The following DNAAF9 variants were observed in gnomAD, a reference collection of about 807,000 sequenced individuals.
DNAAF9 encodes dynein axonemal assembly factor 9.
DNAAF9 carries 90 observed loss-of-function variants against 167.0 expected under a neutral mutation model. The ratio of observed to expected loss-of-function variants is 0.54; its 90% CI spans 0.45 to 0.64. The LOEUF (loss-of-function observed/expected upper bound fraction) is 0.64, where lower values mean the gene tolerates loss of function less well. Ranked by LOEUF, DNAAF9 falls within the 30% of genes least tolerant of loss-of-function variation. The probability of loss-of-function intolerance (pLI) is 0.00; values close to 1 mark genes in which losing one functional copy is unlikely to be tolerated. For missense variants in DNAAF9, 1,315 were observed against 1,442.2 expected (o/e 0.91, Z 1.43); for synonymous variants, 491 against 508.8 (o/e 0.96, Z 0.47).
chr20:3,283,512 G>C (rs2068797330), intron 27 of DNAAF9, among the ~76,000 whole-genome samples: 2 of 152,210 alleles, frequency 1.3e-5, no homozygotes, highest in Non-Finnish European at 2.9e-5. Context: ...CCCCCTGCCT[G>C]GGCATGTATG....
Position 3,330,668 on chromosome 20 carries a change from G to A in DNAAF9, c.1078C>T (p.Leu360=). The change falls in exon 12 of 37, where the codon CTG becomes TTG. Residue 360 remains leucine, a synonymous_variant. Transcript: ENST00000252032. The part of the protein sequence containing the change: ...HVPYLGGDSK[L]PKKTEQIRLL... The stretch of plus-strand genomic sequence containing the variant: ...TACATTTGTTCAGTTTTCTTGGGCA[G>A]CTTGCTGTCACCACCTGTGAAAGAG... The A allele has an allele frequency of 2.5e-6, 4 of 1,600,856 alleles. No individual in the cohort carries two copies. Among genetic ancestry groups the A allele is most frequent in the Non-Finnish European group, 3.4e-6 (4 of 1,169,830 alleles).
chr20:3,337,046 A>T (rs6051755), intron 10 of DNAAF9, among the ~76,000 whole-genome samples: 12 of 148,030 alleles, frequency 8.1e-5, no homozygotes, highest in African/African-American at 2.7e-4. Context: ...CACCCAGCTA[A>T]TTTTTTCTAT....
chr20:3,255,488 C>A (rs946930226), intron 34 of DNAAF9, among the ~76,000 whole-genome samples: 1 of 152,076 alleles, frequency 6.6e-6, no homozygotes. Context: ...CAGCAGGGAA[C>A]AAGCAGCAGA....
intron 30 of DNAAF9, 118 bp downstream of exon 30, chr20:3,270,308 CA>C: frequency 1.0e-6 from 1 of 986,334 alleles, no homozygotes; most frequent in Non-Finnish European, 1.6e-6. Flanking sequence ...GCACCTGGCT[CA>C]AAAACTGACT....
At position 3,252,530 on chromosome 20, in the gene DNAAF9, C is replaced by T; in HGVS notation, c.*42G>A. The T allele has an allele frequency of 9.1e-7, 1 of 1,092,984 alleles. No individual in the cohort carries two copies. Among genetic ancestry groups the T allele is most frequent in the South Asian group, 1.2e-5 (1 of 80,588 alleles). The allele number at this position is 1,092,984 out of a possible 1,614,324, so 67.7% of individuals were successfully genotyped here. On this transcript the variant is annotated 3_prime_UTR_variant, in exon 37 of 37. Coordinates refer to ENST00000252032, the MANE Select transcript of DNAAF9 (RefSeq NM_001009984.3). The stretch of plus-strand genomic sequence containing the variant: ...GGTTAAGACACCCGTTCGTCCATCT[C>T]CAAGGTGGACATTCTGCAGGACGTA...
At chr20:3,330,859 T>C (rs988106848) in intron 11 of DNAAF9, among the ~76,000 whole-genome samples, 177 bp from the exon 12 acceptor site, 2 of 150,772 alleles carry the variant, frequency 1.3e-5, no homozygotes, top group South Asian at 4.2e-4. Context: ...TGGCGTAATC[T>C]CGGCTCACTG....
intron 1 of DNAAF9, among the ~76,000 whole-genome samples, chr20:3,401,615 A>G (rs1296156946): frequency 1.3e-5 from 2 of 152,238 alleles, no homozygotes; most frequent in Non-Finnish European, 2.9e-5. Flanking sequence ...CATTCAATAA[A>G]TAATTACTGA....
chr20:3,388,786 T>C (rs1235798354), intron 1 of DNAAF9, among the ~76,000 whole-genome samples: 1 of 152,140 alleles, frequency 6.6e-6, no homozygotes, highest in East Asian at 1.9e-4. Context: ...TGCCAGGTGC[T>C]GGATGGGAGA....
intron 29 of DNAAF9, among the ~76,000 whole-genome samples, chr20:3,271,137 T>A (rs1195600892): frequency 1.3e-5 from 2 of 152,102 alleles, no homozygotes; most frequent in African/African-American, 4.8e-5. Flanking sequence ...AATTCTGGTA[T>A]CTAGCTGATA....
intron 34 of DNAAF9, 126 bp downstream of exon 34, chr20:3,255,879 TG>T: frequency 1.4e-6 from 1 of 691,752 alleles, no homozygotes; most frequent in Non-Finnish European, 2.5e-6. Flanking sequence ...AAGTGCTGGC[TG>T]GGCCAGGGAG....
chr20:3,403,012 C>T lies in DNAAF9; in HGVS notation c.83+4463G>A, dbSNP rs531964620. Among the ~76,000 whole-genome samples, 171 of 152,302 alleles carry T rather than the reference C, an allele frequency of 1.1e-3. 1 individual carries two copies. The highest frequency in any genetic ancestry group is 3.6e-3 in the African/African-American group (148 of 41,564). Reference sequence around the variant, plus strand: ...TTTATCATTTCTTCATGTCTTCAAACAATAACTACCTGCTATCTCTCCCTG... The same window carrying T: ...TTTATCATTTCTTCATGTCTTCAAATAATAACTACCTGCTATCTCTCCCTG... On this transcript the variant is annotated intron_variant, in intron 1 of 36. Transcript: ENST00000252032.
At chr20:3,295,176 T>A (rs1256973471) in intron 23 of DNAAF9, among the ~76,000 whole-genome samples, 2 of 150,078 alleles carry the variant, frequency 1.3e-5, no homozygotes, top group African/African-American at 4.9e-5. Flanking sequence ...GCTCCCACTT[T>A]TTTTTTCTTT....
intron 23 of DNAAF9, 188 bp downstream of exon 23, chr20:3,296,673 A>G: frequency 1.6e-6 from 1 of 610,278 alleles, no homozygotes; most frequent in South Asian, 2.1e-5. Context: ...GAGGCACTGC[A>G]CATGGCCCTC....
chr20:3,399,363 C>T lies in DNAAF9; in HGVS notation c.83+8112G>A, dbSNP rs139264197. Among the ~76,000 whole-genome samples, 824 of 152,032 alleles carry T rather than the reference C, an allele frequency of 5.4e-3. 2 individuals are homozygous for T. Among genetic ancestry groups the T allele is most frequent in the Middle Eastern group, 6.8e-3 (2 of 294 alleles). On this transcript the variant is annotated intron_variant, in intron 1 of 36. Coordinates refer to ENST00000252032, the MANE Select transcript of DNAAF9 (RefSeq NM_001009984.3). ...TAGCTGGAGTTACAGGCACCTGCCA[C>T]CATGCCTGGCTAATTTCTGTATTTT...
At chr20:3,323,274 C>CTTTTTT (rs71195835) in intron 14 of DNAAF9, among the ~76,000 whole-genome samples, 5 of 69,084 alleles carry the variant, frequency 7.2e-5, no homozygotes, top group Non-Finnish European at 1.2e-4. Context: ...GTGAAGTAAT[C>CTTTTTT]TTTTTTTTTT....
At chr20:3,254,039 C>T (rs781118796) in intron 35 of DNAAF9, among the ~76,000 whole-genome samples, 1 of 152,084 alleles carries the variant, frequency 6.6e-6, no homozygotes, top group South Asian at 2.1e-4. Flanking sequence ...GAAGTTCCCA[C>T]GGTGTGCAGT....
At chr20:3,313,859 C>T (rs2069455934) in intron 20 of DNAAF9, among the ~76,000 whole-genome samples, 1 of 152,122 alleles carries the variant, frequency 6.6e-6, no homozygotes, top group African/African-American at 2.4e-5. Flanking sequence ...GCCATGAGCC[C>T]AGAGCAAACC....
At chr20:3,293,081 A>G (rs2068991726) in intron 25 of DNAAF9, among the ~76,000 whole-genome samples, 4 of 147,672 alleles carry the variant, frequency 2.7e-5, no homozygotes, top group South Asian at 2.1e-4. Context: ...GCAAGACTCA[A>G]AAAAAAAAAA....
chr20:3,260,040 T>A lies in DNAAF9; in HGVS notation c.2874-12A>T. On this transcript the variant is annotated splice_polypyrimidine_tract_variant and intron_variant, in intron 31 of 36. Transcript: ENST00000252032. ...ATTTACCTTCATACCTTAAAAGGTT[T>A]AAAAAATTTTAAGTACAGGCCGGGC... 1.3e-6 allele frequency: 2 copies of A among 1,529,086 alleles called. No homozygotes were observed. Among genetic ancestry groups the A allele is most frequent in the Non-Finnish European group, 1.8e-6 (2 of 1,102,514 alleles). The allele number at this position is 1,529,086 out of a possible 1,614,324, so 94.7% of individuals were successfully genotyped here.
Sources: gnomAD v4.1 joint callset for allele counts (sites outside exome capture counted in the v4.1 genomes callset) on GRCh38, gnomAD v4.1.1 for gene constraint, MANE v1.5 for transcripts, NCBI Gene and HGNC (gene_info 2026-07-23, HGNC 2026-07-21) for gene names.